Variants in PTH2R observed in about 807,000 individuals in gnomAD.
The protein encoded by PTH2R is parathyroid hormone 2 receptor.
Under a neutral mutation model 60.3 loss-of-function variants are expected in PTH2R, and 59 were observed. The observed-to-expected ratio is 0.98, with a 90% CI of 0.79 to 1.22. The LOEUF (loss-of-function observed/expected upper bound fraction) is 1.22. Among genes scored for constraint, PTH2R ranks in the 50% most tolerant of loss-of-function variants. PTH2R has a pLI of 0.00. For synonymous variants in PTH2R, 256 were observed against 243.8 expected, an observed-to-expected ratio of 1.05 and a Z score of -0.47; for missense variants, 749 against 682.6, an observed-to-expected ratio of 1.10 and a Z score of -1.08.
At chr2:208,366,615 T>G (rs1280005933) in intron 1 of PTH2R, among the ~76,000 whole-genome samples, 1 of 152,214 alleles carries the variant, frequency 6.6e-6, no homozygotes, top group African/African-American at 2.4e-5. Context: ...CATCCTTACC[T>G]CAATCCCTGC....
chr2:208,387,741 T>C (rs540644285), intron 1 of PTH2R, among the ~76,000 whole-genome samples: 3 of 152,350 alleles, frequency 2.0e-5, no homozygotes, highest in African/African-American at 7.2e-5. Flanking sequence ...TGTTGTAATC[T>C]TTAGGTGATT....
chr2:208,368,469 G>T (rs997876719), intron 1 of PTH2R, among the ~76,000 whole-genome samples: 3 of 151,750 alleles, frequency 2.0e-5, no homozygotes, highest in African/African-American at 7.3e-5. Context: ...CTCTACATTG[G>T]TATCCCTTTC....
rs1423988974 is a variant in PTH2R, at chr2:208,384,169, G to A, written c.-259+23932G>A. On this transcript the variant is annotated intron_variant, in intron 1 of 12. Coordinates refer to the PTH2R transcript ENST00000617735. ...GTGCAATAGCAGTTTAGCAAAGTGA[G>A]TTCAGTGTAGGCTGAACTGGTTAGA... 2.6e-5 allele frequency among the ~76,000 whole-genome samples: 4 copies of A among 152,326 alleles called. No homozygotes were observed. In the East Asian group the frequency reaches 7.7e-4, roughly 29 times the overall value.
rs1456887650 is a variant in PTH2R at position 208,442,563 on chromosome 2, T to C, written c.509+102T>C. 9 of 885,120 alleles carry C rather than the reference T, an allele frequency of 1.0e-5. No homozygotes were observed. In the East Asian group the frequency reaches 1.7e-4, roughly 17 times the overall value. 54.8% of individuals were successfully genotyped at this position (885,120 alleles called of 1,614,324 possible). A position where few individuals can be genotyped will look rare whatever the true frequency, so the allele number is the denominator to read the frequency against. On this transcript the variant is annotated intron_variant, in intron 5 of 12. Transcript: ENST00000272847. ...ATATTTTCCAAATGTTTTCCTCAAATGCAAGTTTTTGAATTCAGCCTAATG... is the reference window on the plus strand; with the variant it reads ...ATATTTTCCAAATGTTTTCCTCAAACGCAAGTTTTTGAATTCAGCCTAATG...
chr2:208,408,824 A>G (rs1018568504), intron 1 of PTH2R, among the ~76,000 whole-genome samples: 8 of 152,190 alleles, frequency 5.3e-5, no homozygotes, highest in African/African-American at 1.7e-4. Flanking sequence ...TTTGCTTTCA[A>G]TAAAACAATC....
chr2:208,401,706 A>G (rs1391632745), intron 1 of PTH2R, among the ~76,000 whole-genome samples: 1 of 151,834 alleles, frequency 6.6e-6, no homozygotes, highest in East Asian at 1.9e-4. Context: ...AGCATCCTCC[A>G]TTGGGTCACA....
intron 1 of PTH2R, among the ~76,000 whole-genome samples, chr2:208,410,770 G>GTT (rs1190726672): frequency 1.3e-5 from 2 of 152,172 alleles, no homozygotes; most frequent in African/African-American, 4.8e-5. Flanking sequence ...GATTGTGTGT[G>GTT]TGTGTGTGTG....
chr2:208,476,136 A>G (rs1201486338), intron 9 of PTH2R, among the ~76,000 whole-genome samples: 2 of 152,208 alleles, frequency 1.3e-5, no homozygotes, highest in Non-Finnish European at 2.9e-5. Flanking sequence ...TATTATATCT[A>G]GTGCACTTTT....
chr2:208,410,925 A>G (rs1559211733), intron 1 of PTH2R, among the ~76,000 whole-genome samples: 1 of 152,176 alleles, frequency 6.6e-6, no homozygotes, highest in African/African-American at 2.4e-5. Flanking sequence ...AATAAACAGA[A>G]CTGTCAAAAC....
At chr2:208,367,126 C>G (rs1004128340) in intron 1 of PTH2R, among the ~76,000 whole-genome samples, 1 of 151,808 alleles carries the variant, frequency 6.6e-6, no homozygotes, top group Non-Finnish European at 1.5e-5. Context: ...TGAGTTTCAC[C>G]CTTGTTGCCC....
At position 208,493,773 on chromosome 2, in the gene PTH2R, C is replaced by A; in HGVS notation, c.*114C>A. On this transcript the variant is annotated 3_prime_UTR_variant, in exon 13 of 13. Transcript: ENST00000272847. The stretch of plus-strand genomic sequence containing the variant: ...GGCTGAAAATTCAGTTAAGGTGTTA[C>A]TTAATAATAGTTTTTAGGCTCCATG... 1 of 1,240,880 alleles carries A rather than the reference C, an allele frequency of 8.1e-7. No homozygotes were observed. The highest frequency in any genetic ancestry group is 1.1e-6 in the Non-Finnish European group (1 of 916,606). 76.9% of individuals were successfully genotyped at this position (1,240,880 alleles called of 1,614,324 possible).
intron 1 of PTH2R, among the ~76,000 whole-genome samples, chr2:208,378,458 G>A (rs1024109283): frequency 2.6e-5 from 4 of 152,092 alleles, no homozygotes; most frequent in African/African-American, 9.7e-5. Flanking sequence ...ATTGCCTTCC[G>A]TAGTTCCTCC....
At position 208,406,977 on chromosome 2, in the gene PTH2R, G is replaced by T; in HGVS notation, c.-67G>T. The T allele has an allele frequency of 1.5e-6, 2 of 1,314,492 alleles. No individual in the cohort carries two copies. Among genetic ancestry groups the T allele is most frequent in the Non-Finnish European group, 9.9e-7 (1 of 1,008,806 alleles). 81.4% of individuals were successfully genotyped at this position (1,314,492 alleles called of 1,614,324 possible). On this transcript the variant is annotated 5_prime_UTR_variant, in exon 1 of 13. Transcript: ENST00000272847. ...AAGTTTGCTCTGGGCCAGCCAAGTT[G>T]GCAACTTGGAAGCTTCTCCCGGGCT...
intron 9 of PTH2R, among the ~76,000 whole-genome samples, chr2:208,466,841 G>A (rs1432515788): frequency 6.6e-6 from 1 of 152,134 alleles, no homozygotes; most frequent in Non-Finnish European, 1.5e-5. Context: ...TTCACAGGTT[G>A]CCTTTTCACT....
chr2:208,388,132 A>ACTC (rs1701036631), intron 1 of PTH2R, among the ~76,000 whole-genome samples: 2 of 131,406 alleles, frequency 1.5e-5, no homozygotes, highest in Admixed American at 1.6e-4. Flanking sequence ...ACATGGTGAA[A>ACTC]CCCCCCCCCC....
chr2:208,477,964 GTACTAGTACTACTAGCACTACTAC>G (rs1559231925), intron 9 of PTH2R, among the ~76,000 whole-genome samples: 515 of 25,718 alleles, frequency 0.02, 2 homozygotes, highest in Non-Finnish European at 0.052. Context: ...ACTACTACTA[GTACTAGTACTACTAGCACTACTAC>G]TAGTACTAGT....
chr2:208,387,646 T>C (rs574707896), intron 1 of PTH2R, among the ~76,000 whole-genome samples: 1 of 152,230 alleles, frequency 6.6e-6, no homozygotes, highest in Non-Finnish European at 1.5e-5. Flanking sequence ...TTTTCCATTA[T>C]GAAAATAATT....
chr2:208,437,550 C>G lies in PTH2R; in HGVS notation c.192C>G (p.Phe64Leu). The change falls in exon 3 of 13, where the codon TTC becomes TTG. Residue 64 changes from phenylalanine to leucine, a missense_variant. Transcript: ENST00000272847. Reference sequence around the variant, plus strand: ...TTTTCTCATTAGAAGGTAATTGTTTCCCTGAATGGGATGGACTCATTTGTT... The same window carrying G: ...TTTTCTCATTAGAAGGTAATTGTTTGCCTGAATGGGATGGACTCATTTGTT... Reference protein sequence around the residue: ...AQLQEGEGNCFPEWDGLICWP... With the variant: ...AQLQEGEGNCLPEWDGLICWP... 3 of 1,601,720 alleles carry G rather than the reference C, an allele frequency of 1.9e-6. No individual in the cohort carries two copies. The highest frequency in any genetic ancestry group is 1.7e-4 in the Middle Eastern group (1 of 5,998).
chr2:208,419,778 G>A (rs1371174765), intron 1 of PTH2R, among the ~76,000 whole-genome samples: 1 of 152,122 alleles, frequency 6.6e-6, no homozygotes, highest in Admixed American at 6.5e-5. Flanking sequence ...ATTAAACAGG[G>A]AATCCTTTCT....
Sources: gnomAD v4.1 joint callset for allele counts (sites outside exome capture counted in the v4.1 genomes callset) on GRCh38, gnomAD v4.1.1 for gene constraint, MANE v1.5 for transcripts, NCBI Gene and HGNC (gene_info 2026-07-23, HGNC 2026-07-21) for gene names.